The following LOXHD1 variants were observed in gnomAD, a reference collection of about 807,000 sequenced individuals.
LOXHD1 encodes the protein lipoxygenase homology PLAT domains 1, also known as lipoxygenase homology domain-containing protein 1.
In LOXHD1, 205 loss-of-function variants were observed where a neutral mutation model predicts 248.2. The ratio of observed to expected loss-of-function variants is 0.83; its 90% CI spans 0.74 to 0.93. The LOEUF is 0.93. Ranked by LOEUF, LOXHD1 falls within the 40% of genes least tolerant of loss-of-function variation. The pLI, the probability that LOXHD1 is intolerant of heterozygous loss-of-function variation, is 0.00. For missense variants in LOXHD1, 2,930 were observed against 2,971.6 expected (o/e 0.99, Z 0.33); for synonymous variants, 1,113 against 1,162.8 (o/e 0.96, Z 0.87).
intron 5 of LOXHD1, among the ~76,000 whole-genome samples, chr18:46,612,823 T>C (rs772570818): frequency 1.5e-4 from 23 of 152,172 alleles, no homozygotes; most frequent in Non-Finnish European, 3.1e-4. Flanking sequence ...ATTTTTCATA[T>C]GGTTAGACAA....
chr18:46,593,645 A>G lies in LOXHD1; in HGVS notation c.1386T>C (p.Asn462=). 1 of 1,552,298 alleles carries G rather than the reference A, an allele frequency of 6.4e-7. No individual in the cohort carries two copies. Among genetic ancestry groups the G allele is most frequent in the African/African-American group, 1.4e-5 (1 of 73,144 alleles). Residue 462 remains asparagine (N), a synonymous_variant, in exon 10 of 41, where the codon AAT becomes AAC. Coordinates refer to ENST00000642948, the MANE Select transcript of LOXHD1 (RefSeq NM_001384474.1). ...CGGGTTTGAACCACTTGTTGTTGGGATTCAGGAGAATCTCATCTGTCCGCC... is the reference window on the plus strand; with the variant it reads ...CGGGTTTGAACCACTTGTTGTTGGGGTTCAGGAGAATCTCATCTGTCCGCC... ...QKGRTDEILL[N]PNNKWFKPGI...
In LOXHD1 at chr18:46,545,627, C is replaced by CTTTTTTTTTTTTTTTTTTTTTT. The variant is rs56323729; in HGVS notation, c.3515-207_3515-206insAAAAAAAAAAAAAAAAAAAAAA. Reference sequence around the variant, plus strand: ...GTTTCTATGTTCCTCTTGGCCATTTCTTTTTTTTTTTTTTTTTTTTGAGAC... The same window carrying CTTTTTTTTTTTTTTTTTTTTTT: ...GTTTCTATGTTCCTCTTGGCCATTTCTTTTTTTTTTTTTTTTTTTTTTTTTTTTTTTTTTTTTTTTTTGAGAC... On this transcript the variant is annotated intron_variant, in intron 22 of 40. Transcript: ENST00000642948. 5.1e-4 allele frequency among the ~76,000 whole-genome samples: 47 copies of CTTTTTTTTTTTTTTTTTTTTTT among 92,232 alleles called. 4 individuals carry two copies. The highest frequency in any genetic ancestry group is 8.3e-4 in the African/African-American group (17 of 20,504). 60.5% of individuals were successfully genotyped at this position (92,232 alleles called of 152,430 possible). A position where few individuals can be genotyped will look rare whatever the true frequency, so the allele number is the denominator to read the frequency against.
At chr18:46,622,647 T>C (rs2038684779) in intron 4 of LOXHD1, among the ~76,000 whole-genome samples, 1 of 152,194 alleles carries the variant, frequency 6.6e-6, no homozygotes. Context: ...GACCATTAGC[T>C]AAGCATCTCA....
At chr18:46,588,476 G>T (rs561573838) in intron 12 of LOXHD1, among the ~76,000 whole-genome samples, 5 of 152,256 alleles carry the variant, frequency 3.3e-5, no homozygotes, top group Non-Finnish European at 5.9e-5. Flanking sequence ...TGTTAAAAAT[G>T]TGTACGAGCA....
intron 20 of LOXHD1, 90 bp downstream of exon 20, chr18:46,559,358 C>T (rs1398463185): frequency 6.5e-7 from 1 of 1,549,474 alleles, no homozygotes; most frequent in Non-Finnish European, 8.7e-7. Context: ...CCAAACACAG[C>T]AGCCATTGTG....
intron 17 of LOXHD1, 59 bp from the exon 18 acceptor site, chr18:46,563,284 A>C: frequency 7.0e-7 from 1 of 1,422,102 alleles, no homozygotes; most frequent in Non-Finnish European, 9.3e-7. Flanking sequence ...TAACAATGAT[A>C]GTAACAAAAC....
chr18:46,587,021 T>G (rs2038074261), intron 12 of LOXHD1, among the ~76,000 whole-genome samples: 1 of 152,198 alleles, frequency 6.6e-6, no homozygotes, highest in Non-Finnish European at 1.5e-5. Context: ...GAGGCCTGCC[T>G]TGAGCAAAGC....
chr18:46,615,548 T>G (rs1321262664), intron 5 of LOXHD1, among the ~76,000 whole-genome samples: 1 of 152,208 alleles, frequency 6.6e-6, no homozygotes, highest in African/African-American at 2.4e-5. Flanking sequence ...TTCTTCTAAT[T>G]TTATTGCCTT....
chr18:46,479,273 GA>G (rs146974388), intron 40 of LOXHD1, among the ~76,000 whole-genome samples: 7,192 of 125,624 alleles, frequency 0.057, 253 homozygotes, highest in Non-Finnish European at 0.081. Context: ...TGTGTTCATG[GA>G]CTGCAGAGTA....
chr18:46,521,595 G>T (rs2035580862), intron 32 of LOXHD1, among the ~76,000 whole-genome samples: 1 of 152,158 alleles, frequency 6.6e-6, no homozygotes, highest in African/African-American at 2.4e-5. Context: ...TTTGGAGAGG[G>T]CCTCATGGTG....
intron 12 of LOXHD1, among the ~76,000 whole-genome samples, chr18:46,590,882 ATTCTTC>A (rs36233351): frequency 0.79 from 120,924 of 152,172 alleles, 48,578 homozygotes; most frequent in Non-Finnish European, 0.86. Context: ...AATATTCTTC[ATTCTTC>A]TTAAGAATGA....
intron 2 of LOXHD1, among the ~76,000 whole-genome samples, chr18:46,642,705 T>C (rs1168877698): frequency 6.6e-6 from 1 of 152,200 alleles, no homozygotes; most frequent in Admixed American, 6.5e-5. Context: ...AGGAGCATCC[T>C]AAGTACAGTG....
At chr18:46,477,254 A>G, downstream of LOXHD1, 1 of 761,314 alleles carries the variant, frequency 1.3e-6, no homozygotes, top group East Asian at 2.7e-5. Flanking sequence ...ACAAAAAATT[A>G]TTTTTGGGCA....
chr18:46,520,031 A>C (rs1169687303), intron 33 of LOXHD1, among the ~76,000 whole-genome samples: 1 of 152,200 alleles, frequency 6.6e-6, no homozygotes. Flanking sequence ...ACAGAGGCAC[A>C]CACAGGCTGG....
In LOXHD1 at chr18:46,619,121, C is replaced by T. The variant is rs191712733; in HGVS notation, c.512-831G>A. Among the ~76,000 whole-genome samples the T allele has an allele frequency of 7.9e-5, 12 of 152,310 alleles. No individual in the cohort carries two copies. In the East Asian group the frequency reaches 2.3e-3, roughly 29 times the overall value. ...TGTGGTCAAGGGAAGGGGAATCCTC[C>T]AGCTTTTCACTGGGTGCCAACAATT... On this transcript the variant is annotated intron_variant, in intron 4 of 40. Transcript: ENST00000642948.
At position 46,557,468 on chromosome 18, in the gene LOXHD1, C is replaced by A; in HGVS notation, c.3238G>T (p.Ala1080Ser). Residue 1080 changes from alanine to serine, a missense_variant, in exon 21 of 41, where the codon GCC (alanine) becomes TCC (serine). Coordinates refer to ENST00000642948, the MANE Select transcript of LOXHD1 (RefSeq NM_001384474.1). The stretch of plus-strand genomic sequence containing the variant: ...TTGGTCAGGGCCCCCAGGTCAATGG[C>A]ATAGATGGTGAAGGTGTCTGTCTGG... ...QGQTDTFTIY[A>S]IDLGALTKIR... 1.9e-6 allele frequency: 3 copies of A among 1,552,004 alleles called. No homozygotes were observed. Among genetic ancestry groups the A allele is most frequent in the South Asian group, 2.4e-5 (2 of 84,056 alleles).
chr18:46,521,752 G>A (rs903566759), intron 32 of LOXHD1, among the ~76,000 whole-genome samples: 4 of 152,176 alleles, frequency 2.6e-5, no homozygotes, highest in African/African-American at 9.7e-5. Flanking sequence ...AGCCCACTGA[G>A]ATCTCAAAGA....
At chr18:46,537,483 C>T (rs796978285) in intron 26 of LOXHD1, among the ~76,000 whole-genome samples, 7 of 152,266 alleles carry the variant, frequency 4.6e-5, no homozygotes, top group South Asian at 2.1e-4. Context: ...CCAACTTGAC[C>T]GTAAGCCCCT....
At chr18:46,603,036 G>T (rs543885526) in intron 7 of LOXHD1, among the ~76,000 whole-genome samples, 3 of 152,062 alleles carry the variant, frequency 2.0e-5, no homozygotes, top group Non-Finnish European at 4.4e-5. Context: ...TGATCAGCCC[G>T]CAATGCTGAG....
Sources: allele counts gnomAD v4.1 joint callset (sites outside exome capture counted in the v4.1 genomes callset), GRCh38; gene constraint gnomAD v4.1.1; transcripts MANE v1.5; gene names NCBI Gene and HGNC (gene_info 2026-07-23, HGNC 2026-07-21).